PTPN18: variants seen among roughly 807,000 people sequenced by gnomAD.
PTPN18 encodes the protein protein tyrosine phosphatase non-receptor type 18, also known as tyrosine-protein phosphatase non-receptor type 18.
In PTPN18, 65 loss-of-function variants were observed where a neutral mutation model predicts 65.4. The ratio of observed to expected loss-of-function variants is 0.99; its 90% CI spans 0.81 to 1.22. The LOEUF (loss-of-function observed/expected upper bound fraction) is 1.22, where lower values mean the gene tolerates loss of function less well. Ranked by LOEUF, PTPN18 falls within the 50% of genes most tolerant of loss-of-function variation. The pLI, the probability that PTPN18 is intolerant of heterozygous loss-of-function variation, is 0.00. For missense variants in PTPN18, 616 were observed against 646.5 expected, an observed-to-expected ratio of 0.95 and a Z score of 0.51; for synonymous variants, 255 against 267.8, an observed-to-expected ratio of 0.95 and a Z score of 0.47.
chr2:130,361,971 T>G (rs1680230925), intron 5 of PTPN18, among the ~76,000 whole-genome samples: 1 of 151,832 alleles, frequency 6.6e-6, no homozygotes, highest in African/African-American at 2.4e-5. Flanking sequence ...AGTGTGTTTC[T>G]TGTAGGTGGT....
At chr2:130,361,064 G>A (rs1680175264) in intron 5 of PTPN18, among the ~76,000 whole-genome samples, 1 of 152,176 alleles carries the variant, frequency 6.6e-6, no homozygotes, top group South Asian at 2.1e-4. Context: ...GTTGGCTGGA[G>A]TGTCCTGTAA....
In PTPN18 at chr2:130,371,193, C is replaced by T. The variant is rs1680552560; in HGVS notation, c.925-6C>T. ...CTCAGGAGCCTCCCCTCCTGTTTTTCTTCAGAATTGTGCCCCACTCTACGA... is the reference window on the plus strand; with the variant it reads ...CTCAGGAGCCTCCCCTCCTGTTTTTTTTCAGAATTGTGCCCCACTCTACGA... On this transcript the variant is annotated splice_polypyrimidine_tract_variant and splice_region_variant and intron_variant, in intron 11 of 14. Coordinates refer to ENST00000175756, the MANE Select transcript of PTPN18 (RefSeq NM_014369.4). 1.2e-6 allele frequency: 2 copies of T among 1,600,832 alleles called. No homozygotes were observed. Among genetic ancestry groups the T allele is most frequent in the Non-Finnish European group, 1.7e-6 (2 of 1,170,250 alleles).
rs2104948280 is a variant in PTPN18, at chr2:130,369,839, G to A, written c.546+12G>A. On this transcript the variant is annotated intron_variant, in intron 7 of 14. Transcript: ENST00000175756. Reference sequence around the variant, plus strand: ...TCACATTCCAGAAGGTACTGTGACAGGGGAGGAGGAGGTAAAGGGGCTCCT... The same window carrying A: ...TCACATTCCAGAAGGTACTGTGACAAGGGAGGAGGAGGTAAAGGGGCTCCT... 6.3e-7 allele frequency: 1 copy of A among 1,587,054 alleles called. No individual in the cohort carries two copies. Among genetic ancestry groups the A allele is most frequent in the Non-Finnish European group, 8.7e-7 (1 of 1,155,978 alleles).
At position 130,369,124 on chromosome 2, in the gene PTPN18, C is replaced by G. The variant is rs367665187; in HGVS notation, c.415-9C>G. The G allele has an allele frequency of 1.4e-5, 23 of 1,607,254 alleles. No individual in the cohort carries two copies. In the African/African-American group the frequency reaches 3.1e-4, roughly 21 times the overall value. ...TCACTCCCTGCCTTTTCTCCCTTAC[C>G]TTTTGCAGAAAAGGTGTGAGCGGTA... is the stretch of plus-strand genomic sequence containing the variant. On this transcript the variant is annotated splice_polypyrimidine_tract_variant and intron_variant, in intron 5 of 14. Transcript: ENST00000175756.
chr2:130,373,119 G>T lies in PTPN18; in HGVS notation c.1316-38G>T, dbSNP rs1489397693. On this transcript the variant is annotated intron_variant, in intron 14 of 14. Coordinates refer to ENST00000175756, the MANE Select transcript of PTPN18 (RefSeq NM_014369.4). The surrounding 1 kb of genome is among the most constrained non-coding windows in gnomAD (Gnocchi z 4.1). ...TGTCTGCCAGCTTCCACACACCTCA[G>T]CTTCTCCATGAGACCCACGGCACCC... 6.4e-7 allele frequency: 1 copy of T among 1,556,446 alleles called. No homozygotes were observed. Among genetic ancestry groups the T allele is most frequent in the Non-Finnish European group, 8.7e-7 (1 of 1,148,724 alleles).
At chr2:130,356,708 CGAATCCGCGT>C (rs929877468) in intron 1 of PTPN18, 13 of 444,008 alleles carry the variant, frequency 2.9e-5, no homozygotes, top group Middle Eastern at 3.3e-4. Flanking sequence ...CTTCCCGTCC[CGAATCCGCGT>C]CCCGGCCATC....
At position 130,373,382 on chromosome 2, in the gene PTPN18, C is replaced by T. The variant is rs1187274858; in HGVS notation, c.*158C>T. On this transcript the variant is annotated 3_prime_UTR_variant, in exon 15 of 15. Transcript: ENST00000175756. The surrounding 1 kb of genome is among the most constrained non-coding windows in gnomAD (Gnocchi z 4.1). Reference sequence around the variant, plus strand: ...GGGGGCTTTGCCCCAATGACTGTAGCATTCAAGGCTTGAGGCTGGAGGAGG... The same window carrying T: ...GGGGGCTTTGCCCCAATGACTGTAGTATTCAAGGCTTGAGGCTGGAGGAGG... 2 of 747,674 alleles carry T rather than the reference C, an allele frequency of 2.7e-6. No individual in the cohort carries two copies. Among genetic ancestry groups the T allele is most frequent in the Admixed American group, 3.4e-5 (1 of 29,840 alleles). 46.3% of individuals were successfully genotyped at this position (747,674 alleles called of 1,614,324 possible).
chr2:130,370,500 C>T, intron 8 of PTPN18, 57 bp from the exon 9 acceptor site: 1 of 1,598,434 alleles, frequency 6.3e-7, no homozygotes, highest in South Asian at 1.1e-5. Context: ...CCAAATGCCC[C>T]ATCTAAAAGG....
intron 5 of PTPN18, among the ~76,000 whole-genome samples, chr2:130,361,859 A>AT (rs1204132279): frequency 6.6e-6 from 1 of 152,130 alleles, no homozygotes; most frequent in Admixed American, 6.5e-5. Flanking sequence ...AAGTCCTGAG[A>AT]TTACAGGCAT....
intron 8 of PTPN18, 69 bp downstream of exon 8, chr2:130,370,259 C>A (rs1055923749): frequency 4.4e-6 from 7 of 1,589,756 alleles, no homozygotes; most frequent in Non-Finnish European, 6.0e-6. Context: ...GAGTACAGGG[C>A]ATGGGGCTAG....
chr2:130,372,133 C>T (rs1680584218), intron 12 of PTPN18, 124 bp from the exon 13 acceptor site: 2 of 920,314 alleles, frequency 2.2e-6, no homozygotes, highest in Non-Finnish European at 3.2e-6. Flanking sequence ...AAGGAGCCCT[C>T]CCTCCCATCT....
At chr2:130,356,666 C>T (rs1344688491) in intron 1 of PTPN18, 4 of 464,084 alleles carry the variant, frequency 8.6e-6, no homozygotes, top group South Asian at 3.1e-5. Flanking sequence ...GTGTGAACGC[C>T]GGGCTCGAAT....
At chr2:130,359,754 C>T (rs536687279) in intron 5 of PTPN18, 108 bp downstream of exon 5, 2 of 1,324,566 alleles carry the variant, frequency 1.5e-6, no homozygotes, top group South Asian at 2.5e-5. Flanking sequence ...CTTGGAGTGA[C>T]CTTATTGTAG....
At chr2:130,356,671 T>TCGAATCCGCGTCCGGGCC (rs919633331) in intron 1 of PTPN18, 6 of 463,464 alleles carry the variant, frequency 1.3e-5, no homozygotes, top group East Asian at 7.1e-5. Flanking sequence ...AACGCCGGGC[T>TCGAATCCGCGTCCGGGCC]CGAATCCGCG....
In PTPN18 at chr2:130,370,670, G is replaced by A. The variant is rs372459747; in HGVS notation, c.757-35G>A. 18 of 1,613,938 alleles carry A rather than the reference G, an allele frequency of 1.1e-5. No individual in the cohort carries two copies. The African/African-American group carries it at 1.3e-4, about 12-fold the overall frequency. On this transcript the variant is annotated intron_variant, in intron 9 of 14. Coordinates refer to ENST00000175756, the MANE Select transcript of PTPN18 (RefSeq NM_014369.4). ...TGTGCAGTGTGCTGCCCATGACCAC[G>A]TGTCCTGCTCAAGTGCCTTGTCTGT...
rs1220584685 is a variant in PTPN18, at chr2:130,369,840, G to A, written c.546+13G>A. On this transcript the variant is annotated intron_variant, in intron 7 of 14. Transcript: ENST00000175756. The stretch of plus-strand genomic sequence containing the variant: ...CACATTCCAGAAGGTACTGTGACAG[G>A]GGAGGAGGAGGTAAAGGGGCTCCTG... 2 of 1,583,396 alleles carry A rather than the reference G, an allele frequency of 1.3e-6. No homozygotes were observed. The highest frequency in any genetic ancestry group is 3.3e-5 in the Admixed American group (2 of 59,804).
At chr2:130,369,017 T>C (rs1680469366) in intron 5 of PTPN18, 116 bp from the exon 6 acceptor site, 2 of 821,176 alleles carry the variant, frequency 2.4e-6, no homozygotes, top group Admixed American at 4.3e-5. Flanking sequence ...AGGTTATAAG[T>C]ATAGCTGCCT....
At chr2:130,358,592 C>G (rs1374400964) in intron 1 of PTPN18, among the ~76,000 whole-genome samples, 2 of 152,116 alleles carry the variant, frequency 1.3e-5, no homozygotes, top group Non-Finnish European at 2.9e-5. Context: ...ATAAACTTTC[C>G]CGCCTGCACA....
chr2:130,362,974 C>T lies in PTPN18; in HGVS notation c.414+3328C>T, dbSNP rs542064282. Reference sequence around the variant, plus strand: ...AGCTAGGACTACAGGCGCCTGCCACCACGCCCGGCTAATTTTTTGTATTTT... The same window carrying T: ...AGCTAGGACTACAGGCGCCTGCCACTACGCCCGGCTAATTTTTTGTATTTT... On this transcript the variant is annotated intron_variant, in intron 5 of 14. Transcript: ENST00000175756. Among the ~76,000 whole-genome samples, 663 of 151,960 alleles carry T rather than the reference C, an allele frequency of 4.4e-3. 6 individuals carry two copies. The highest frequency in any genetic ancestry group is 0.015 in the African/African-American group (634 of 41,512).
Sources: allele counts gnomAD v4.1 joint callset (sites outside exome capture counted in the v4.1 genomes callset), GRCh38; gene constraint gnomAD v4.1.1; non-coding constraint Gnocchi (gnomAD v3.1); transcripts MANE v1.5; gene names NCBI Gene and HGNC (gene_info 2026-07-23, HGNC 2026-07-21).